CSMD1: variants seen among roughly 807,000 people sequenced by gnomAD.
CSMD1 encodes CUB and Sushi multiple domains 1, also known as CUB and sushi domain-containing protein 1.
A neutral mutation model predicts 417.5 loss-of-function variants in CSMD1; 213 were observed. The ratio of observed to expected loss-of-function variants is 0.51; its 90% CI spans 0.46 to 0.57. The LOEUF (loss-of-function observed/expected upper bound fraction) is 0.57. CSMD1 is among the 20% of genes least tolerant of loss of function. CSMD1 has a pLI of 0.00. For synonymous variants in CSMD1, 2,862 were observed against 1,736.8 expected (o/e 1.65, Z -16.11); for missense variants, 6,923 against 4,529.7 (o/e 1.53, Z -15.17).
At chr8:3,628,469 C>T (rs1163890850) in intron 7 of CSMD1, among the ~76,000 whole-genome samples, 1 of 152,218 alleles carries the variant, frequency 6.6e-6, no homozygotes, top group Non-Finnish European at 1.5e-5. Flanking sequence ...TTTAAAAAAT[C>T]CTTAAGGATT....
At chr8:4,909,595 A>T (rs1563738890) in intron 1 of CSMD1, among the ~76,000 whole-genome samples, 2 of 152,086 alleles carry the variant, frequency 1.3e-5, no homozygotes, top group African/African-American at 4.8e-5. Context: ...ATATTCCTGG[A>T]ATTTTCACCG....
At chr8:3,087,532 C>T (rs1009768660) in intron 48 of CSMD1, among the ~76,000 whole-genome samples, 9 of 152,176 alleles carry the variant, frequency 5.9e-5, no homozygotes, top group African/African-American at 9.7e-5. Flanking sequence ...GAATACAGTA[C>T]TGTGAGAAAC....
chr8:3,902,412 C>T (rs1192148790), intron 5 of CSMD1, among the ~76,000 whole-genome samples: 1 of 152,054 alleles, frequency 6.6e-6, no homozygotes, highest in Non-Finnish European at 1.5e-5. Flanking sequence ...GGCAGCAGTC[C>T]CCATCTTTTT....
At chr8:3,453,651 G>A (rs867215812) in intron 12 of CSMD1, among the ~76,000 whole-genome samples, 19 of 152,272 alleles carry the variant, frequency 1.2e-4, no homozygotes, top group South Asian at 4.1e-4. Context: ...CTGAATTGTA[G>A]TTTTATTGCA....
chr8:4,539,758 A>G (rs1230403309), intron 2 of CSMD1, among the ~76,000 whole-genome samples: 1 of 152,232 alleles, frequency 6.6e-6, no homozygotes, highest in African/African-American at 2.4e-5. Flanking sequence ...ATCTTTAGTC[A>G]CTTAGAATAC....
intron 23 of CSMD1, among the ~76,000 whole-genome samples, chr8:3,311,323 C>A (rs569229921): frequency 8.5e-5 from 13 of 152,218 alleles, no homozygotes; most frequent in African/African-American, 3.1e-4. Flanking sequence ...GATCTCGGCT[C>A]ACTGCAACCT....
chr8:3,345,674 A>G (rs754876933), intron 22 of CSMD1, among the ~76,000 whole-genome samples: 2 of 152,184 alleles, frequency 1.3e-5, no homozygotes, highest in African/African-American at 4.8e-5. Context: ...TGTTTAATAC[A>G]AGCCTGTAAG....
intron 31 of CSMD1, among the ~76,000 whole-genome samples, chr8:3,204,956 T>G (rs1403722549): frequency 6.6e-6 from 1 of 152,166 alleles, no homozygotes; most frequent in South Asian, 2.1e-4. Flanking sequence ...TGAAGTCATT[T>G]TGGAAAATTA....
In CSMD1 at chr8:3,641,556, G is replaced by A. The variant is rs182412514; in HGVS notation, c.1010-24759C>T. Among the ~76,000 whole-genome samples the A allele has an allele frequency of 4.6e-5, 7 of 152,296 alleles. No individual in the cohort carries two copies. In the East Asian group the frequency reaches 1.4e-3, roughly 29 times the overall value. The stretch of plus-strand genomic sequence containing the variant: ...GCACACAGAAAGGGAGTGTATGAAA[G>A]TCAGAACATCCTTTCAGAAATCATG... On this transcript the variant is annotated intron_variant, in intron 7 of 69. Transcript: ENST00000635120.
intron 3 of CSMD1, among the ~76,000 whole-genome samples, chr8:4,318,507 G>C (rs936571966): frequency 1.3e-5 from 2 of 152,024 alleles, no homozygotes; most frequent in Admixed American, 1.3e-4. Flanking sequence ...TACTCAACTG[G>C]CGAGAAAACT....
intron 1 of CSMD1, among the ~76,000 whole-genome samples, chr8:4,795,659 T>G (rs1052705347): frequency 6.6e-6 from 1 of 152,008 alleles, no homozygotes. Flanking sequence ...GATAAATGAG[T>G]ACAATATGGA....
intron 1 of CSMD1, among the ~76,000 whole-genome samples, chr8:4,973,451 G>A (rs1171643750): frequency 6.6e-6 from 1 of 151,976 alleles, no homozygotes; most frequent in Non-Finnish European, 1.5e-5. Context: ...ACATTTTCTA[G>A]CTCTTAAATT....
intron 2 of CSMD1, among the ~76,000 whole-genome samples, chr8:4,451,682 A>C (rs1468769108): frequency 6.6e-6 from 1 of 152,140 alleles, no homozygotes; most frequent in African/African-American, 2.4e-5. Context: ...ACTGATGACC[A>C]TGAAATATCA....
chr8:3,616,632 G>A, intron 8 of CSMD1, 78 bp downstream of exon 8: 3 of 926,126 alleles, frequency 3.2e-6, no homozygotes, highest in Non-Finnish European at 5.1e-6. Context: ...GAACAAAAGA[G>A]TTAAATTTAA....
chr8:3,190,179 A>T, intron 33 of CSMD1, 64 bp from the exon 34 acceptor site: 1 of 1,361,624 alleles, frequency 7.3e-7, no homozygotes. Flanking sequence ...CGTTGCGTGG[A>T]ACGTGGGTTT....
chr8:3,984,910 G>C (rs866948269), intron 5 of CSMD1, among the ~76,000 whole-genome samples: 21 of 151,902 alleles, frequency 1.4e-4, no homozygotes, highest in Middle Eastern at 3.4e-3. Context: ...TTTATTTCAA[G>C]CTTCATTGTA....
chr8:3,308,423 T>C lies in CSMD1; in HGVS notation c.3712A>G (p.Thr1238Ala), dbSNP rs758594331. The change falls in exon 24 of 70, where the codon ACT becomes GCT. Residue 1238 changes from threonine to alanine, a missense_variant. Coordinates refer to ENST00000635120, the MANE Select transcript of CSMD1 (RefSeq NM_033225.6). ...GGGTTGCAACTGTACAGAACTACAG[T>C]GTCGGTAAAGTGGCCTTCATCACGG... Reference protein sequence around the residue: ...RIRDEGHFTDTVVLYSCNPGY... With the variant: ...RIRDEGHFTDAVVLYSCNPGY... The C allele has an allele frequency of 2.0e-5, 33 of 1,613,790 alleles. No homozygotes were observed. The highest frequency in any genetic ancestry group is 2.6e-5 in the Non-Finnish European group (31 of 1,179,782).
At chr8:4,747,332 A>C (rs1811025089) in intron 1 of CSMD1, among the ~76,000 whole-genome samples, 1 of 152,224 alleles carries the variant, frequency 6.6e-6, no homozygotes, top group Admixed American at 6.5e-5. Context: ...ATAAATATGA[A>C]GAATTTGCTA....
At chr8:3,876,967 C>A (rs367859262) in intron 5 of CSMD1, among the ~76,000 whole-genome samples, 1 of 152,196 alleles carries the variant, frequency 6.6e-6, no homozygotes, top group Non-Finnish European at 1.5e-5. Flanking sequence ...AGAAATAATT[C>A]ATAAGTCATA....
Sources: allele counts gnomAD v4.1 joint callset (sites outside exome capture counted in the v4.1 genomes callset), GRCh38; gene constraint gnomAD v4.1.1; transcripts MANE v1.5; gene names NCBI Gene and HGNC (gene_info 2026-07-23, HGNC 2026-07-21).